Variants in MAP2K4 observed in about 807,000 individuals in gnomAD.
MAP2K4 encodes mitogen-activated protein kinase kinase 4.
MAP2K4 carries 4 observed loss-of-function variants against 48.5 expected under a neutral mutation model. That is an observed-to-expected ratio of 0.08 (90% confidence interval 0.04 to 0.19). The LOEUF (loss-of-function observed/expected upper bound fraction) is 0.19, where lower values mean the gene tolerates loss of function less well. Ranked by LOEUF, MAP2K4 falls within the 10% of genes least tolerant of loss-of-function variation. The pLI is 1.00. For synonymous variants in MAP2K4, 166 were observed against 173.1 expected, an observed-to-expected ratio of 0.96 and a Z score of 0.32; for missense variants, 258 against 493.3, an observed-to-expected ratio of 0.52 and a Z score of 4.52.
chr17:12,051,930 A>T (rs1338911832), intron 1 of MAP2K4, among the ~76,000 whole-genome samples: 1 of 151,922 alleles, frequency 6.6e-6, no homozygotes, highest in African/African-American at 2.4e-5. Flanking sequence ...TTTTTTAAAA[A>T]AAAAAAAGCT....
rs2151510730 is a variant in MAP2K4 at position 12,032,782 on chromosome 17, G to A, written c.115+11781G>A. On this transcript the variant is annotated intron_variant, in intron 1 of 10. Coordinates refer to ENST00000353533, the MANE Select transcript of MAP2K4 (RefSeq NM_003010.4). Reference sequence around the variant, plus strand: ...CCTCACCATCCTTATTCTGTATTAGGACACTAGTCTTCATATAATACAAAA... The same window carrying A: ...CCTCACCATCCTTATTCTGTATTAGAACACTAGTCTTCATATAATACAAAA... Among the ~76,000 whole-genome samples, 2 of 151,932 alleles carry A rather than the reference G, an allele frequency of 1.3e-5. 1 individual carries two copies. Among genetic ancestry groups the A allele is most frequent in the South Asian group, 4.2e-4 (2 of 4,812 alleles).
intron 1 of MAP2K4, among the ~76,000 whole-genome samples, chr17:12,042,987 C>T (rs1969841291): frequency 1.3e-5 from 2 of 151,328 alleles, no homozygotes; most frequent in African/African-American, 4.9e-5. Flanking sequence ...GTGGAGCTTG[C>T]AGTGAGCCGA....
intron 1 of MAP2K4, among the ~76,000 whole-genome samples, chr17:12,025,272 G>T (rs1486788003): frequency 6.6e-6 from 1 of 152,130 alleles, no homozygotes; most frequent in Non-Finnish European, 1.5e-5. Flanking sequence ...TTTCTCATCT[G>T]TTAAAATAGG....
chr17:12,025,268 A>T (rs894808010), intron 1 of MAP2K4, among the ~76,000 whole-genome samples: 5 of 152,186 alleles, frequency 3.3e-5, no homozygotes, highest in Admixed American at 3.3e-4. Context: ...GAAATTTCTC[A>T]TCTGTTAAAA....
intron 1 of MAP2K4, among the ~76,000 whole-genome samples, chr17:12,042,167 C>CAAA (rs71142262): frequency 0.21 from 11,332 of 54,588 alleles, 1,735 homozygotes; most frequent in Middle Eastern, 0.31. Flanking sequence ...AACTTTGTCT[C>CAAA]AAAAAAAAAA....
intron 8 of MAP2K4, 21 bp downstream of exon 8, chr17:12,125,392 C>A (rs2151587971): frequency 1.2e-6 from 2 of 1,600,110 alleles, no homozygotes; most frequent in East Asian, 2.2e-5. Flanking sequence ...GCTGATTCAA[C>A]CTTGCCACAG....
intron 8 of MAP2K4, among the ~76,000 whole-genome samples, chr17:12,128,121 A>G (rs1972909560): frequency 6.6e-6 from 1 of 152,246 alleles, no homozygotes; most frequent in African/African-American, 2.4e-5. Context: ...TCTGTCCCCC[A>G]GGCTGGAGTG....
At chr17:12,056,814 T>C (rs994240168) in intron 2 of MAP2K4, among the ~76,000 whole-genome samples, 1 of 152,144 alleles carries the variant, frequency 6.6e-6, no homozygotes, top group East Asian at 1.9e-4. Context: ...TAAAAACAGT[T>C]GTTAGTTTCT....
At chr17:12,131,382 G>T (rs946343478) in intron 9 of MAP2K4, among the ~76,000 whole-genome samples, 4 of 151,690 alleles carry the variant, frequency 2.6e-5, no homozygotes, top group African/African-American at 7.3e-5. Context: ...AGTACTGCTG[G>T]GATTACAGGC....
At chr17:12,135,752 G>T (rs564576098) in intron 9 of MAP2K4, among the ~76,000 whole-genome samples, 1 of 150,674 alleles carries the variant, frequency 6.6e-6, no homozygotes, top group Admixed American at 6.6e-5. Flanking sequence ...GTTTTGCCAC[G>T]TTGGCCAGGC....
At chr17:12,080,175 G>A (rs1468630537) in intron 2 of MAP2K4, among the ~76,000 whole-genome samples, 1 of 152,148 alleles carries the variant, frequency 6.6e-6, no homozygotes, top group African/African-American at 2.4e-5. Context: ...AACCTTAAAG[G>A]TTGCTACAGA....
chr17:12,097,104 TTCTTCATGTTGCAC>T (rs2151563643), intron 4 of MAP2K4, among the ~76,000 whole-genome samples: 1 of 152,354 alleles, frequency 6.6e-6, no homozygotes, highest in Non-Finnish European at 1.5e-5. Context: ...GTTTGGAACT[TTCTTCATGTTGCAC>T]AAGAATCTTA....
At chr17:12,102,535 A>G (rs1017679183) in intron 4 of MAP2K4, among the ~76,000 whole-genome samples, 3 of 152,088 alleles carry the variant, frequency 2.0e-5, no homozygotes, top group East Asian at 3.9e-4. Context: ...TGCTAGCCTC[A>G]TAGGATGAGT....
chr17:12,103,208 T>C (rs1392268308), intron 4 of MAP2K4, among the ~76,000 whole-genome samples: 4 of 151,034 alleles, frequency 2.6e-5, no homozygotes, highest in African/African-American at 4.9e-5. Context: ...ACCCTGCTAA[T>C]TGAATTTTTT....
At chr17:12,048,813 C>T (rs915635209) in intron 1 of MAP2K4, among the ~76,000 whole-genome samples, 24 of 151,842 alleles carry the variant, frequency 1.6e-4, no homozygotes, top group African/African-American at 5.1e-4. Context: ...TCTGCCACCA[C>T]GCCCGGCTAA....
chr17:12,032,108 A>G (rs1969459014), intron 1 of MAP2K4, among the ~76,000 whole-genome samples: 1 of 152,154 alleles, frequency 6.6e-6, no homozygotes, highest in South Asian at 2.1e-4. Flanking sequence ...GTTTTTTAAG[A>G]AAGCTCATGT....
At chr17:12,139,379 T>G (rs916934409) in intron 9 of MAP2K4, among the ~76,000 whole-genome samples, 3 of 152,186 alleles carry the variant, frequency 2.0e-5, no homozygotes, top group African/African-American at 7.2e-5. Context: ...TTTTAAAACT[T>G]AAGGATAAAT....
intron 4 of MAP2K4, among the ~76,000 whole-genome samples, chr17:12,102,099 C>T (rs1186964764): frequency 6.6e-6 from 1 of 151,876 alleles, no homozygotes; most frequent in African/African-American, 2.4e-5. Flanking sequence ...AGAGGGAAAG[C>T]ATTCATGTTT....
intron 5 of MAP2K4, among the ~76,000 whole-genome samples, chr17:12,109,612 G>C (rs1274104298): frequency 6.6e-6 from 1 of 152,276 alleles, no homozygotes; most frequent in East Asian, 1.9e-4. Flanking sequence ...CAGGCAACAG[G>C]ATAAATTCCC....
Sources: gnomAD v4.1 joint callset for allele counts (sites outside exome capture counted in the v4.1 genomes callset) on GRCh38, gnomAD v4.1.1 for gene constraint, MANE v1.5 for transcripts, NCBI Gene and HGNC (gene_info 2026-07-23, HGNC 2026-07-21) for gene names.